C2orf49: variants seen among roughly 807,000 people sequenced by gnomAD.
The protein encoded by C2orf49 is tRNA splicing ligase complex subunit 2.
A neutral mutation model predicts 20.6 loss-of-function variants in C2orf49; 11 were observed. The ratio of observed to expected loss-of-function variants is 0.53; its 90% CI spans 0.34 to 0.88. C2orf49 has a LOEUF of 0.88. Ranked by LOEUF, C2orf49 falls within the 40% of genes least tolerant of loss-of-function variation. The pLI, the probability that C2orf49 is intolerant of heterozygous loss-of-function variation, is 0.02. For missense variants in C2orf49, 289 were observed against 274.2 expected, an observed-to-expected ratio of 1.05 and a Z score of -0.38; for synonymous variants, 134 against 108.5, an observed-to-expected ratio of 1.24 and a Z score of -1.46.
At chr2:105,375,754 G>A in the C2orf49 span, 2 of 152,256 alleles carry the variant, frequency 1.3e-5, no homozygotes, top group Non-Finnish European at 2.9e-5. Flanking sequence ...GCCTGTCAGG[G>A]GGACTCGGGG....
the C2orf49 span, among the ~76,000 whole-genome samples, chr2:105,356,838 A>G: frequency 6.6e-6 from 1 of 152,172 alleles, no homozygotes; most frequent in African/African-American, 2.4e-5. Flanking sequence ...GTGTCTGGGT[A>G]TGGTCTCTGC....
the C2orf49 span, among the ~76,000 whole-genome samples, chr2:105,382,919 T>C: frequency 1.3e-5 from 2 of 152,234 alleles, no homozygotes; most frequent in African/African-American, 4.8e-5. Context: ...GGAGTCTTGC[T>C]CTGTCACCCA....
At chr2:105,361,271 TC>T in the C2orf49 span, 1 of 1,606,618 alleles carries the variant, frequency 6.2e-7, no homozygotes, top group Non-Finnish European at 8.5e-7. Flanking sequence ...CAGCAACTTC[TC>T]TGTGTTGAAT....
At chr2:105,371,660 G>A in the C2orf49 span, among the ~76,000 whole-genome samples, 1 of 151,990 alleles carries the variant, frequency 6.6e-6, no homozygotes, top group South Asian at 2.1e-4. Context: ...AGTCAAGACA[G>A]GTGAAAAATT....
the C2orf49 span, among the ~76,000 whole-genome samples, chr2:105,384,680 G>GT: frequency 6.6e-6 from 1 of 152,194 alleles, no homozygotes; most frequent in Non-Finnish European, 1.5e-5. Context: ...GCTAATTTTT[G>GT]TATTTTCAGT....
the C2orf49 span, among the ~76,000 whole-genome samples, chr2:105,370,651 C>T: frequency 1.2e-4 from 18 of 152,122 alleles, no homozygotes; most frequent in Non-Finnish European, 2.1e-4. Context: ...TGTGCACTGA[C>T]GCTGTAAACC....
At chr2:105,368,520 C>A in the C2orf49 span, among the ~76,000 whole-genome samples, 4 of 152,098 alleles carry the variant, frequency 2.6e-5, no homozygotes, top group Admixed American at 1.3e-4. Context: ...ACTTGTACAT[C>A]CCATTTAGTA....
At position 105,346,333 on chromosome 2, in the gene C2orf49, C is replaced by T. The variant is rs1162558415; in HGVS notation, c.*962C>T. ...TTCCTTGAAGTTGTAACAATTGATA[C>T]ATATATTATGAGTTGACTGGTCGAT... On this transcript the variant is annotated 3_prime_UTR_variant, in exon 4 of 4. Coordinates refer to ENST00000258457, the MANE Select transcript of C2orf49 (RefSeq NM_024093.3). 6.6e-6 allele frequency: 1 copy of T among 152,124 alleles called. No individual in the cohort carries two copies. The highest frequency in any genetic ancestry group is 1.5e-5 in the Non-Finnish European group (1 of 68,034). 9.4% of individuals were successfully genotyped at this position (152,124 alleles called of 1,614,324 possible).
chr2:105,339,630 TACTG>T lies in C2orf49; in HGVS notation c.150_153del (p.Asp51PhefsTer22). 6.2e-7 allele frequency: 1 copy of T among 1,606,956 alleles called. No individual in the cohort carries two copies. The highest frequency in any genetic ancestry group is 8.5e-7 in the Non-Finnish European group (1 of 1,178,542). The stretch of plus-strand genomic sequence containing the variant: ...ATGTAAGAGTAAACAAAGACAGTCT[TACTG>T]ACCTTTATGTCCAACATGCAATACC... On this transcript the variant is annotated frameshift_variant, in exon 2 of 4. Transcript: ENST00000258457. LOFTEE classifies it high-confidence loss of function.
In C2orf49 at chr2:105,347,404, A is replaced by C. The variant is rs539739489; in HGVS notation, c.*2033A>C. 1 of 152,308 alleles carries C rather than the reference A, an allele frequency of 6.6e-6. No individual in the cohort carries two copies. The highest frequency in any genetic ancestry group is 2.4e-5 in the African/African-American group (1 of 41,576). 9.4% of individuals were successfully genotyped at this position (152,308 alleles called of 1,614,324 possible). On this transcript the variant is annotated 3_prime_UTR_variant, in exon 4 of 4. Transcript: ENST00000258457. ...AGAGAGTTAGCCATTTGACGATTTTAAGTCAGTGGGAACTTATTTTTAGTT... is the reference window on the plus strand; with the variant it reads ...AGAGAGTTAGCCATTTGACGATTTTCAGTCAGTGGGAACTTATTTTTAGTT...
intron 1 of C2orf49, 28 bp downstream of exon 1, chr2:105,337,714 CGGGT>C: frequency 1.2e-6 from 1 of 832,532 alleles, no homozygotes; most frequent in Non-Finnish European, 1.5e-6. Flanking sequence ...GGAGGGTGGG[CGGGT>C]GGGCCTTCCC....
the C2orf49 span, among the ~76,000 whole-genome samples, chr2:105,370,434 C>T: frequency 6.6e-6 from 1 of 151,752 alleles, no homozygotes; most frequent in Non-Finnish European, 1.5e-5. Context: ...GAGACAGAAT[C>T]GCTACTTGAG....
rs773443180 is a variant in C2orf49 at position 105,337,587 on chromosome 2, C to T, written c.-1C>T. On this transcript the variant is annotated 5_prime_UTR_variant, in exon 1 of 4. Coordinates refer to ENST00000258457, the MANE Select transcript of C2orf49 (RefSeq NM_024093.3). ...CCGACTGGGGTCTCCTGGCGACGAC[C>T]ATGGCGGGGGATGTGGGCGGTCGCA... is the stretch of plus-strand genomic sequence containing the variant. 3.1e-6 allele frequency: 5 copies of T among 1,613,294 alleles called. No individual in the cohort carries two copies. In the African/African-American group the frequency reaches 5.3e-5, roughly 17 times the overall value.
At chr2:105,361,549 A>G in the C2orf49 span, 156 of 873,214 alleles carry the variant, frequency 1.8e-4, 1 homozygote, top group Middle Eastern at 1.3e-3. Context: ...AATATGGATA[A>G]TGTGAATTTC....
At chr2:105,369,902 C>CA in the C2orf49 span, among the ~76,000 whole-genome samples, 3 of 152,204 alleles carry the variant, frequency 2.0e-5, no homozygotes, top group Non-Finnish European at 4.4e-5. Context: ...GCCTCAGGGA[C>CA]ATGGCGCGTG....
At chr2:105,381,706 C>G in the C2orf49 span, among the ~76,000 whole-genome samples, 1 of 152,112 alleles carries the variant, frequency 6.6e-6, no homozygotes, top group Non-Finnish European at 1.5e-5. Flanking sequence ...AGGAGGAAAT[C>G]CAAATAAATA....
the C2orf49 span, among the ~76,000 whole-genome samples, chr2:105,381,524 C>A: frequency 6.6e-6 from 1 of 152,058 alleles, no homozygotes; most frequent in African/African-American, 2.4e-5. Context: ...CACTGCTGAG[C>A]GCTGTGCACC....
chr2:105,373,397 C>T, the C2orf49 span: 1 of 709,992 alleles, frequency 1.4e-6, no homozygotes, highest in Non-Finnish European at 2.5e-6. Flanking sequence ...CCTGTATGTC[C>T]CTGCTTCGTA....
the C2orf49 span, among the ~76,000 whole-genome samples, chr2:105,362,339 A>G: frequency 6.6e-6 from 1 of 152,218 alleles, no homozygotes; most frequent in African/African-American, 2.4e-5. Context: ...TGAGCTCTGC[A>G]TTACACATGA....
Sources: gnomAD v4.1 joint callset for allele counts (sites outside exome capture counted in the v4.1 genomes callset) on GRCh38, gnomAD v4.1.1 for gene constraint, MANE v1.5 for transcripts, NCBI Gene and HGNC (gene_info 2026-07-23, HGNC 2026-07-21) for gene names.